Variants in ETV6 observed in about 807,000 individuals in gnomAD.
ETV6 encodes ETS variant transcription factor 6.
Under a neutral mutation model 51.1 loss-of-function variants are expected in ETV6, and 16 were observed. The observed-to-expected ratio is 0.31, with a 90% CI of 0.21 to 0.48. The LOEUF (loss-of-function observed/expected upper bound fraction) is 0.48. ETV6 is among the 20% of genes least tolerant of loss of function. The probability of loss-of-function intolerance (pLI) is 0.99; values close to 1 mark genes in which losing one functional copy is unlikely to be tolerated. For missense variants in ETV6, 458 were observed against 594.8 expected (o/e 0.77, Z 2.39); for synonymous variants, 240 against 224.1 (o/e 1.07, Z -0.64).
At chr12:11,868,166 T>G (rs527336789) in intron 4 of ETV6, among the ~76,000 whole-genome samples, 1 of 152,174 alleles carries the variant, frequency 6.6e-6, no homozygotes, top group Admixed American at 6.5e-5. Context: ...TTCTGTAAAT[T>G]GGGGCCACTG....
chr12:11,668,075 C>T (rs1162334795), intron 1 of ETV6, among the ~76,000 whole-genome samples: 8 of 151,860 alleles, frequency 5.3e-5, no homozygotes, highest in Non-Finnish European at 1.2e-4. Context: ...CTCAAGTGAT[C>T]CTCCAGCCTC....
Position 11,650,104 on chromosome 12 carries a change from TC to T in ETV6, c.-22del. 6.2e-7 allele frequency: 1 copy of T among 1,612,676 alleles called. No homozygotes were observed. The highest frequency in any genetic ancestry group is 8.5e-7 in the Non-Finnish European group (1 of 1,178,884). ...GGAAAGTGGAAAAAACCTGAGAACT[TC>T]CTGATCTCTCTCGCTGTGAGACATG... is the stretch of plus-strand genomic sequence containing the variant. On this transcript the variant is annotated 5_prime_UTR_variant, in exon 1 of 8. An upstream open reading frame in the 5' UTR gains an earlier in-frame stop. Transcript: ENST00000396373.
chr12:11,758,233 C>T (rs768866135), intron 2 of ETV6, among the ~76,000 whole-genome samples: 8 of 152,164 alleles, frequency 5.3e-5, no homozygotes, highest in African/African-American at 1.2e-4. Context: ...AAGTTTCTAA[C>T]GACACCTACT....
At chr12:11,733,324 C>T (rs1272177552) in intron 1 of ETV6, among the ~76,000 whole-genome samples, 1 of 139,140 alleles carries the variant, frequency 7.2e-6, no homozygotes, top group Non-Finnish European at 1.5e-5. Context: ...AGGAGAATGG[C>T]GTGAATCCGG....
At chr12:11,750,304 T>C (rs1451544936) in intron 1 of ETV6, among the ~76,000 whole-genome samples, 1 of 152,222 alleles carries the variant, frequency 6.6e-6, no homozygotes, top group Non-Finnish European at 1.5e-5. Context: ...CCAGACTCTT[T>C]TGTCAGCTGG....
intron 1 of ETV6, among the ~76,000 whole-genome samples, chr12:11,744,279 G>T (rs761000993): frequency 6.6e-6 from 1 of 152,216 alleles, no homozygotes; most frequent in African/African-American, 2.4e-5. Context: ...ATAATAGCCA[G>T]ACCATTAAAG....
chr12:11,768,951 A>G, intron 2 of ETV6: 1 of 485,576 alleles, frequency 2.1e-6, no homozygotes, highest in Non-Finnish European at 4.1e-6. Context: ...AAGAAAATTC[A>G]AATCTTGTTC....
At chr12:11,743,898 A>T (rs1196283050) in intron 1 of ETV6, among the ~76,000 whole-genome samples, 1 of 152,248 alleles carries the variant, frequency 6.6e-6, no homozygotes, top group South Asian at 2.1e-4. Context: ...GAAGAAAGCT[A>T]CTTGAGGAGG....
intron 5 of ETV6, among the ~76,000 whole-genome samples, chr12:11,876,362 T>C (rs570053282): frequency 3.9e-5 from 6 of 152,366 alleles, no homozygotes; most frequent in African/African-American, 1.4e-4. Context: ...CATCTCTAAA[T>C]GCCAAATTTC....
At chr12:11,756,126 A>C (rs1482545968) in intron 2 of ETV6, among the ~76,000 whole-genome samples, 2 of 152,154 alleles carry the variant, frequency 1.3e-5, no homozygotes, top group Non-Finnish European at 2.9e-5. Context: ...TTTATTTGCC[A>C]GTGATAAAAG....
chr12:11,719,861 C>T (rs1357866027), intron 1 of ETV6, among the ~76,000 whole-genome samples: 1 of 152,234 alleles, frequency 6.6e-6, no homozygotes, highest in Non-Finnish European at 1.5e-5. Flanking sequence ...CCACTTCCCT[C>T]ACTGAGATAG....
rs540116692 is a variant in ETV6, at chr12:11,842,767, G to A, written c.328+3463G>A. ...AGATTCATTGGCTTACTTAAAGCAGGAAAGCTAGTTAGAGTGTCCTTGCTG... is the reference window on the plus strand; with the variant it reads ...AGATTCATTGGCTTACTTAAAGCAGAAAAGCTAGTTAGAGTGTCCTTGCTG... On this transcript the variant is annotated intron_variant, in intron 3 of 7. Transcript: ENST00000396373. Among the ~76,000 whole-genome samples the A allele has an allele frequency of 4.6e-5, 7 of 152,310 alleles. No homozygotes were observed. The South Asian group carries it at 1.4e-3, about 32-fold the overall frequency.
intron 1 of ETV6, among the ~76,000 whole-genome samples, chr12:11,705,519 G>A (rs1012219436): frequency 1.3e-5 from 2 of 152,082 alleles, no homozygotes; most frequent in African/African-American, 4.8e-5. Context: ...GACTCTTCTC[G>A]GCCTGAGTAG....
At chr12:11,780,885 T>C (rs896552671) in intron 2 of ETV6, among the ~76,000 whole-genome samples, 2 of 152,234 alleles carry the variant, frequency 1.3e-5, no homozygotes, top group East Asian at 3.8e-4. Context: ...TTACGTCCTG[T>C]GGAAGCTTTC....
chr12:11,814,037 A>C (rs1945953907), intron 2 of ETV6, among the ~76,000 whole-genome samples: 2 of 152,220 alleles, frequency 1.3e-5, no homozygotes. Flanking sequence ...TCATAATTCC[A>C]GTTACGGTAA....
rs1370002394 is a variant in ETV6 at position 11,870,024 on chromosome 12, A to G, written c.1009+55A>G. 4 of 1,533,578 alleles carry G rather than the reference A, an allele frequency of 2.6e-6. No individual in the cohort carries two copies. The African/African-American group carries it at 4.1e-5, about 16-fold the overall frequency. The allele number at this position is 1,533,578 out of a possible 1,614,324, so 95.0% of individuals were successfully genotyped here. ...CATCATGGGGACCTGACAAAGTCCC[A>G]CTCTCCCCTGTGATCTTTGCAGCCA... On this transcript the variant is annotated intron_variant, in intron 5 of 7. Transcript: ENST00000396373.
intron 1 of ETV6, among the ~76,000 whole-genome samples, chr12:11,673,647 C>T (rs1043804153): frequency 2.0e-5 from 3 of 152,156 alleles, no homozygotes; most frequent in Admixed American, 6.5e-5. Flanking sequence ...CTAGGCCCTC[C>T]GAATGTCATC....
At chr12:11,887,085 G>C (rs1308575945) in intron 7 of ETV6, among the ~76,000 whole-genome samples, 2 of 152,150 alleles carry the variant, frequency 1.3e-5, no homozygotes, top group Non-Finnish European at 2.9e-5. Context: ...AATAGTAAAA[G>C]CAATTAAGAT....
chr12:11,650,961 C>T (rs1287099072), intron 1 of ETV6, among the ~76,000 whole-genome samples: 2 of 152,216 alleles, frequency 1.3e-5, no homozygotes, highest in African/African-American at 4.8e-5. Flanking sequence ...TGTTTGTAAA[C>T]ACACTGCTGG....
Sources: allele counts gnomAD v4.1 joint callset (sites outside exome capture counted in the v4.1 genomes callset), GRCh38; gene constraint gnomAD v4.1.1; transcripts MANE v1.5; gene names NCBI Gene and HGNC (gene_info 2026-07-23, HGNC 2026-07-21).